SLC9A3: variants seen among roughly 807,000 people sequenced by gnomAD.
SLC9A3 encodes solute carrier family 9 member A3.
In SLC9A3, 37 loss-of-function variants were observed where a neutral mutation model predicts 86.8. The ratio of observed to expected loss-of-function variants is 0.43; its 90% CI spans 0.33 to 0.56. The LOEUF (loss-of-function observed/expected upper bound fraction) is 0.56. Ranked by LOEUF, SLC9A3 falls within the 20% of genes least tolerant of loss-of-function variation. SLC9A3 has a pLI of 0.06. For synonymous variants in SLC9A3, 581 were observed against 528.3 expected, an observed-to-expected ratio of 1.10 and a Z score of -1.37; for missense variants, 1,011 against 1,171.9, an observed-to-expected ratio of 0.86 and a Z score of 2.00.
chr5:480,982 CG>C (rs1341994689), intron 9 of SLC9A3: 1 of 152,422 alleles, frequency 6.6e-6, no homozygotes, highest in African/African-American at 2.4e-5. Context: ...CTCCACCTCC[CG>C]GGTTCAAGCG....
intron 3 of SLC9A3, 148 bp from the exon 4 acceptor site, chr5:485,379 C>A: frequency 1.4e-6 from 1 of 695,678 alleles, no homozygotes; most frequent in South Asian, 1.6e-5. Flanking sequence ...CAATGGCCCC[C>A]AAAGGGGAGA....
intron 1 of SLC9A3, among the ~76,000 whole-genome samples, chr5:508,685 G>A (rs565438053): frequency 6.6e-6 from 1 of 152,010 alleles, no homozygotes; most frequent in Non-Finnish European, 1.5e-5. Context: ...GCCGCAGGGA[G>A]ACGCAGGCCT....
intron 1 of SLC9A3, among the ~76,000 whole-genome samples, chr5:509,711 C>A (rs2126649748): frequency 6.6e-6 from 1 of 152,246 alleles, no homozygotes; most frequent in Non-Finnish European, 1.5e-5. Context: ...GTTAGCTGTA[C>A]CCCAAAGCAT....
chr5:493,914 C>T (rs571772950), intron 1 of SLC9A3, among the ~76,000 whole-genome samples: 56 of 152,316 alleles, frequency 3.7e-4, no homozygotes, highest in African/African-American at 1.1e-3. Context: ...GCTGGAACCA[C>T]GCGACAGTGA....
intron 1 of SLC9A3, among the ~76,000 whole-genome samples, chr5:513,040 C>A (rs1378655055): frequency 6.6e-6 from 1 of 152,138 alleles, no homozygotes; most frequent in Non-Finnish European, 1.5e-5. Flanking sequence ...ACAGCAGAAA[C>A]TGGGGCTGGA....
At position 501,446 on chromosome 5, in the gene SLC9A3, G is replaced by A. The variant is rs376819300; in HGVS notation, c.212-9375C>T. Among the ~76,000 whole-genome samples, 1,199 of 152,298 alleles carry A rather than the reference G, an allele frequency of 7.9e-3. 6 individuals are homozygous for A. Among genetic ancestry groups the A allele is most frequent in the South Asian group, 0.035 (167 of 4,828 alleles). ...AAACAGCCTGGCTGAGCGGTGGGGC[G>A]GTGAGGCCAGGAAGGAGGGCGGAAG... On this transcript the variant is annotated intron_variant, in intron 1 of 16. Coordinates refer to ENST00000264938, the MANE Select transcript of SLC9A3 (RefSeq NM_004174.4).
intron 1 of SLC9A3, among the ~76,000 whole-genome samples, chr5:507,938 TCCACCCCACAGACGCCCGAATCC>T (rs1460357205): frequency 0.031 from 864 of 27,742 alleles, 14 homozygotes; most frequent in African/African-American, 0.097. Flanking sequence ...CGCCCGAATC[TCCACCCCACAGACGCCCGAATCC>T]CCACCCCACA....
rs1740069754 is a variant in SLC9A3, at chr5:497,328, C to A, written c.212-5257G>T. On this transcript the variant is annotated intron_variant, in intron 1 of 16. Transcript: ENST00000264938. This position sits in a 1 kb window ranked among gnomAD's most constrained non-coding sequence, Gnocchi z 5.4. ...TCCAGGTGCAGGAGTCGACGCCCCC[C>A]ACTGCCCTCGAAACCTGGTTTCTCT... Among the ~76,000 whole-genome samples the A allele has an allele frequency of 6.6e-6, 1 of 152,202 alleles. No individual in the cohort carries two copies. Among genetic ancestry groups the A allele is most frequent in the East Asian group, 1.9e-4 (1 of 5,186 alleles).
chr5:500,036 G>GC (rs1047538518), intron 1 of SLC9A3, among the ~76,000 whole-genome samples: 1 of 152,266 alleles, frequency 6.6e-6, no homozygotes, highest in Non-Finnish European at 1.5e-5. Context: ...TGGCTGGGAC[G>GC]CAACAGGCAG....
At chr5:506,947 T>C (rs1428848791) in intron 1 of SLC9A3, among the ~76,000 whole-genome samples, 1 of 149,870 alleles carries the variant, frequency 6.7e-6, no homozygotes, top group East Asian at 2.0e-4. Flanking sequence ...GGCAGACACC[T>C]GTAGTCCCAG....
chr5:473,491 C>T (rs1054237950), intron 16 of SLC9A3, 109 bp from the exon 17 acceptor site: 47 of 956,466 alleles, frequency 4.9e-5, no homozygotes, highest in Non-Finnish European at 6.3e-5. Flanking sequence ...CGCCTCCCCT[C>T]CCGCGGCGCA....
chr5:502,344 AGG>A (rs1740317326), intron 1 of SLC9A3, among the ~76,000 whole-genome samples: 3 of 152,110 alleles, frequency 2.0e-5, no homozygotes, highest in African/African-American at 7.2e-5. Context: ...AGACACAGGC[AGG>A]TCCCAAGCTG....
chr5:507,163 C>CTTTTTTTTTTTTTTTTTTTTTTTTTT (rs1740624902), intron 1 of SLC9A3, among the ~76,000 whole-genome samples: 1 of 34,754 alleles, frequency 2.9e-5, no homozygotes, highest in Non-Finnish European at 5.6e-5. Context: ...CCGGCTGCTG[C>CTTTTTTTTTTTTTTTTTTTTTTTTTT]TTCTTTTTTT....
intron 2 of SLC9A3, 81 bp from the exon 3 acceptor site, chr5:488,557 G>A: frequency 1.4e-6 from 2 of 1,394,644 alleles, no homozygotes; most frequent in Middle Eastern, 4.2e-4. Context: ...CTCGCCTACG[G>A]GTCGGGGTTC....
At chr5:523,367 T>A (rs568729102) in intron 1 of SLC9A3, among the ~76,000 whole-genome samples, 16 of 152,104 alleles carry the variant, frequency 1.1e-4, no homozygotes, top group Non-Finnish European at 1.3e-4. Flanking sequence ...GCTGCTCTGA[T>A]CTTGCTTCTC....
intron 1 of SLC9A3, among the ~76,000 whole-genome samples, chr5:514,087 G>A (rs1323897558): frequency 6.6e-6 from 1 of 152,272 alleles, no homozygotes; most frequent in South Asian, 2.1e-4. Flanking sequence ...CCCGGCTCGG[G>A]AGGGCACCCT....
intron 16 of SLC9A3, among the ~76,000 whole-genome samples, chr5:473,757 G>C (rs1361548695): frequency 6.6e-6 from 1 of 152,196 alleles, no homozygotes; most frequent in Non-Finnish European, 1.5e-5. Flanking sequence ...CCCCCAGAGG[G>C]AGCTCAGAAA....
chr5:475,108 G>A lies in SLC9A3; in HGVS notation c.2276C>T (p.Pro759Leu), dbSNP rs778506774. Residue 759 changes from proline to leucine, a missense_variant, in exon 16 of 17, where the codon CCG (proline) becomes CTG (leucine). Physicochemically the swap from Pro to Leu is moderately conservative, Grantham distance 98. Coordinates refer to ENST00000264938, the MANE Select transcript of SLC9A3 (RefSeq NM_004174.4). Reference sequence around the variant, plus strand: ...GAGGCTGCGGTCCAGGGCCTCGTCCGGAGAAAACACAGGGTTGTCAATTCC... The same window carrying A: ...GAGGCTGCGGTCCAGGGCCTCGTCCAGAGAAAACACAGGGTTGTCAATTCC... ...PAGIDNPVFSPDEALDRSLLA... is the reference protein window; with the variant it reads ...PAGIDNPVFSLDEALDRSLLA... The A allele has an allele frequency of 2.5e-6, 4 of 1,603,308 alleles. No individual in the cohort carries two copies. In the Admixed American group the frequency reaches 6.8e-5, roughly 27 times the overall value.
chr5:488,251 G>C (rs1429435579), intron 3 of SLC9A3, 65 bp downstream of exon 3: 6 of 1,560,976 alleles, frequency 3.8e-6, no homozygotes, highest in South Asian at 3.4e-5. Flanking sequence ...TGACCGATGG[G>C]GGGTGAGACG....
Sources: allele counts gnomAD v4.1 joint callset (sites outside exome capture counted in the v4.1 genomes callset), GRCh38; gene constraint gnomAD v4.1.1; non-coding constraint Gnocchi (gnomAD v3.1); transcripts MANE v1.5; gene names NCBI Gene and HGNC (gene_info 2026-07-23, HGNC 2026-07-21).